The following SYTL3 variants were observed in gnomAD, a reference collection of about 807,000 sequenced individuals.
SYTL3 encodes the protein synaptotagmin-like protein 3.
SYTL3 carries 88 observed loss-of-function variants against 82.1 expected under a neutral mutation model. The observed-to-expected ratio is 1.07, with a 90% CI of 0.90 to 1.28. The LOEUF is 1.28. Ranked by LOEUF, SYTL3 falls within the 50% of genes most tolerant of loss-of-function variation. The probability of loss-of-function intolerance (pLI) is 0.00; values close to 1 mark genes in which losing one functional copy is unlikely to be tolerated. For synonymous variants in SYTL3, 311 were observed against 289.4 expected (o/e 1.07, Z -0.76); for missense variants, 831 against 757.6 (o/e 1.10, Z -1.14).
At chr6:158,726,685 C>A in intron 11 of SYTL3, 1 of 286,454 alleles carries the variant, frequency 3.5e-6, no homozygotes. Context: ...GGCTGGAAGC[C>A]TTCGTTCATT....
chr6:158,702,714 C>T (rs567161409), intron 6 of SYTL3, among the ~76,000 whole-genome samples: 6 of 152,148 alleles, frequency 3.9e-5, no homozygotes, highest in South Asian at 2.1e-4. Flanking sequence ...TGTCCCCACC[C>T]GCTCCCCACC....
chr6:158,668,917 A>G (rs1777048332), intron 5 of SYTL3, among the ~76,000 whole-genome samples: 1 of 152,326 alleles, frequency 6.6e-6, no homozygotes, highest in East Asian at 1.9e-4. Context: ...TCAAAGGCAC[A>G]CTGGAAAGGA....
intron 5 of SYTL3, among the ~76,000 whole-genome samples, chr6:158,672,556 C>CT (rs549428783): frequency 0.043 from 5,413 of 126,114 alleles, 142 homozygotes; most frequent in African/African-American, 0.072. Context: ...TTTTTTGTTT[C>CT]TTTTTTTTTT....
intron 15 of SYTL3, among the ~76,000 whole-genome samples, chr6:158,761,297 ATTTC>A (rs1200186768): frequency 1.4e-5 from 1 of 71,822 alleles, no homozygotes; most frequent in African/African-American, 6.7e-5. Flanking sequence ...GAGAATGCAC[ATTTC>A]TTTTTTTTTT....
rs781445432 is a variant in SYTL3, at chr6:158,665,626, G to A, written c.329+13G>A. 1.8e-5 allele frequency: 27 copies of A among 1,531,406 alleles called. No individual in the cohort carries two copies. The East Asian group carries it at 1.9e-4, about 11-fold the overall frequency. 94.9% of individuals were successfully genotyped at this position (1,531,406 alleles called of 1,614,324 possible). A position where few individuals can be genotyped will look rare whatever the true frequency, so the allele number is the denominator to read the frequency against. ...GCTTCGAGGACAGGTAAGCATGGCC[G>A]GTGGTTGGATCCCTCCCACTGATTC... On this transcript the variant is annotated intron_variant, in intron 5 of 17. Coordinates refer to ENST00000611299, the MANE Select transcript of SYTL3 (RefSeq NM_001242394.2).
Position 158,764,495 on chromosome 6 carries a change from A to AG in SYTL3, c.1727dup (p.Asp577ArgfsTer37). 3.7e-6 allele frequency: 6 copies of AG among 1,612,030 alleles called. No homozygotes were observed. Among genetic ancestry groups the AG allele is most frequent in the Non-Finnish European group, 5.1e-6 (6 of 1,178,396 alleles). On this transcript the variant is annotated frameshift_variant and splice_region_variant, in exon 18 of 18. Transcript: ENST00000611299. LOFTEE classifies it low-confidence loss of function (END_TRUNC). ...GCTAAATTGTCTTCCTCTCTTACAGAGGGAGACACAGCTGTTGGCGGGGAT... is the reference window on the plus strand; with the variant it reads ...GCTAAATTGTCTTCCTCTCTTACAGAGGGGAGACACAGCTGTTGGCGGGGAT...
In SYTL3 at chr6:158,665,411, C is replaced by CT. The variant is rs775190164; in HGVS notation, c.128dup (p.Gln44AlafsTer79). ...GGGCTGCAGGAAACTGAAAACACAC[C>CT]TGCAGCATCTCCGGTGGAAAGGAGC... On this transcript the variant is annotated frameshift_variant, in exon 5 of 18. Coordinates refer to ENST00000611299, the MANE Select transcript of SYTL3 (RefSeq NM_001242394.2). LOFTEE classifies it high-confidence loss of function. The CT allele has an allele frequency of 8.1e-6, 13 of 1,596,520 alleles. No individual in the cohort carries two copies. In the Admixed American group the frequency reaches 1.9e-4, roughly 24 times the overall value.
intron 10 of SYTL3, among the ~76,000 whole-genome samples, chr6:158,721,010 C>T (rs1311710373): frequency 6.6e-6 from 1 of 152,140 alleles, no homozygotes; most frequent in Non-Finnish European, 1.5e-5. Flanking sequence ...CAGAGCCTGG[C>T]CAGGGTTGTC....
At chr6:158,725,399 TGTTA>T in intron 10 of SYTL3, 100 bp from the exon 11 acceptor site, 1 of 1,320,436 alleles carries the variant, frequency 7.6e-7, no homozygotes, top group Non-Finnish European at 1.1e-6. Flanking sequence ...GAAGTTTGCA[TGTTA>T]GTAACATCAA....
Position 158,725,718 on chromosome 6 carries a change from A to G in SYTL3, c.855+81A>G, listed in dbSNP as rs1784649893. On this transcript the variant is annotated intron_variant, in intron 11 of 17. Transcript: ENST00000611299. Reference sequence around the variant, plus strand: ...AGCATAATGTACAAGTCCTTATTTCAATTACTCCTATTTGAAGGTCCTTAT... The same window carrying G: ...AGCATAATGTACAAGTCCTTATTTCGATTACTCCTATTTGAAGGTCCTTAT... 4 of 1,521,476 alleles carry G rather than the reference A, an allele frequency of 2.6e-6. No homozygotes were observed. In the African/African-American group the frequency reaches 5.6e-5, roughly 21 times the overall value. The allele number at this position is 1,521,476 out of a possible 1,614,324, so 94.2% of individuals were successfully genotyped here. A position where few individuals can be genotyped will look rare whatever the true frequency, so the allele number is the denominator to read the frequency against.
In SYTL3 at chr6:158,745,758, A is replaced by AC. The variant is rs1013855846; in HGVS notation, c.1034+100_1034+101insC. 89 of 1,037,192 alleles carry AC rather than the reference A, an allele frequency of 8.6e-5. No homozygotes were observed. The African/African-American group carries it at 1.4e-3, about 16-fold the overall frequency. 64.2% of individuals were successfully genotyped at this position (1,037,192 alleles called of 1,614,324 possible). On this transcript the variant is annotated intron_variant, in intron 12 of 17. Coordinates refer to ENST00000611299, the MANE Select transcript of SYTL3 (RefSeq NM_001242394.2). ...ATAACCAAGACAATTATTAAAAAAAAAAACAAAATGAAAAGGCTTACTTCA... is the reference window on the plus strand; with the variant it reads ...ATAACCAAGACAATTATTAAAAAAAACAAACAAAATGAAAAGGCTTACTTCA...
intron 8 of SYTL3, among the ~76,000 whole-genome samples, chr6:158,710,509 G>C (rs1036815684): frequency 1.1e-5 from 1 of 91,646 alleles, no homozygotes; most frequent in African/African-American, 5.9e-5. Context: ...CATGGAGTCA[G>C]TTTTCAAAAA....
Position 158,701,849 on chromosome 6 carries a change from G to A in SYTL3, c.395-5381G>A, listed in dbSNP as rs191289516. 5.9e-5 allele frequency among the ~76,000 whole-genome samples: 9 copies of A among 152,062 alleles called. No individual in the cohort carries two copies. The East Asian group carries it at 1.4e-3, about 23-fold the overall frequency. On this transcript the variant is annotated intron_variant, in intron 6 of 17. Coordinates refer to ENST00000611299, the MANE Select transcript of SYTL3 (RefSeq NM_001242394.2). ...TCCTCTGCTGGTGCTAGGGTAGAAC[G>A]CTGCCTCCCTCTTCCTGCTTCTAGT...
rs199520026 is a variant in SYTL3 at position 158,671,084 on chromosome 6, G to GT, written c.329+5472dup. The stretch of plus-strand genomic sequence containing the variant: ...CTCCCAAAGTGCTGAGATTACAGGC[G>GT]TGAGCCACGGCGCCCGGCCTATGGA... On this transcript the variant is annotated intron_variant, in intron 5 of 17. Coordinates refer to ENST00000611299, the MANE Select transcript of SYTL3 (RefSeq NM_001242394.2). 2.9e-3 allele frequency among the ~76,000 whole-genome samples: 435 copies of GT among 152,112 alleles called. 3 individuals carry two copies. The highest frequency in any genetic ancestry group is 9.7e-3 in the African/African-American group (404 of 41,482).
At position 158,718,128 on chromosome 6, in the gene SYTL3, C is replaced by T. The variant is rs1243594063; in HGVS notation, c.637C>T (p.Leu213Phe). Reference sequence around the variant, plus strand: ...GAATGATATGACTTCTGAGAAGCATCTTCTCGCCACGGGCCCCAGGCAGTG... The same window carrying T: ...GAATGATATGACTTCTGAGAAGCATTTTCTCGCCACGGGCCCCAGGCAGTG... ...SQNDMTSEKHLLATGPRQCVG... is the reference protein window; with the variant it reads ...SQNDMTSEKHFLATGPRQCVG... The change falls in exon 10 of 18, where the codon CTT (leucine) becomes TTT (phenylalanine). Residue 213 changes from leucine to phenylalanine, a missense_variant. Transcript: ENST00000611299. The T allele has an allele frequency of 6.5e-7, 1 of 1,546,792 alleles. No individual in the cohort carries two copies. Among genetic ancestry groups the T allele is most frequent in the Non-Finnish European group, 8.7e-7 (1 of 1,145,190 alleles).
chr6:158,657,299 G>T (rs1208751673), intron 2 of SYTL3, among the ~76,000 whole-genome samples: 1 of 151,862 alleles, frequency 6.6e-6, no homozygotes, highest in Non-Finnish European at 1.5e-5. Context: ...GATGGCGCGT[G>T]CCTGTAATCC....
chr6:158,728,059 A>C (rs1244580611), intron 11 of SYTL3, among the ~76,000 whole-genome samples: 1 of 152,162 alleles, frequency 6.6e-6, no homozygotes, highest in African/African-American at 2.4e-5. Flanking sequence ...TATGGGAGTA[A>C]TAATAAATAT....
chr6:158,653,833 C>T (rs1236245878), intron 2 of SYTL3, among the ~76,000 whole-genome samples: 2 of 152,210 alleles, frequency 1.3e-5, no homozygotes, highest in African/African-American at 2.4e-5. Flanking sequence ...ACTCTGGTGA[C>T]GTTTCCCCCG....
intron 11 of SYTL3, among the ~76,000 whole-genome samples, chr6:158,731,024 C>T (rs1303147112): frequency 6.6e-6 from 1 of 152,158 alleles, no homozygotes; most frequent in African/African-American, 2.4e-5. Context: ...GTGGCTCACG[C>T]CTGTAATCCC....
Sources: gnomAD v4.1 joint callset for allele counts (sites outside exome capture counted in the v4.1 genomes callset) on GRCh38, gnomAD v4.1.1 for gene constraint, MANE v1.5 for transcripts, NCBI Gene and HGNC (gene_info 2026-07-23, HGNC 2026-07-21) for gene names.